The following KAT14 variants were observed in gnomAD, a reference collection of about 807,000 sequenced individuals.
The protein encoded by KAT14 is lysine acetyltransferase 14.
Under a neutral mutation model 78.4 loss-of-function variants are expected in KAT14, and 66 were observed. The observed-to-expected ratio is 0.84, with a 90% CI of 0.69 to 1.03. KAT14 has a LOEUF of 1.03. KAT14 is among the 50% of genes least tolerant of loss of function. The probability of loss-of-function intolerance (pLI) is 0.00; values close to 1 mark genes in which losing one functional copy is unlikely to be tolerated. For synonymous variants in KAT14, 344 were observed against 359.4 expected, an observed-to-expected ratio of 0.96 and a Z score of 0.48; for missense variants, 870 against 972.5, an observed-to-expected ratio of 0.89 and a Z score of 1.40.
chr20:18,149,726 A>G (rs2037966263), intron 3 of KAT14, among the ~76,000 whole-genome samples: 1 of 152,182 alleles, frequency 6.6e-6, no homozygotes, highest in African/African-American at 2.4e-5. Context: ...TAATCCCAGC[A>G]CTTTTGGAGG....
chr20:18,182,684 C>A (rs959037981), intron 8 of KAT14, among the ~76,000 whole-genome samples: 1 of 152,206 alleles, frequency 6.6e-6, no homozygotes, highest in Non-Finnish European at 1.5e-5. Flanking sequence ...CCCTGACCCT[C>A]CATGCCAGCA....
chr20:18,164,333 C>G (rs1011528027), intron 7 of KAT14, among the ~76,000 whole-genome samples: 1 of 152,184 alleles, frequency 6.6e-6, no homozygotes, highest in South Asian at 2.1e-4. Flanking sequence ...CCTCTCCAGT[C>G]TTCTGCCCGT....
At chr20:18,173,349 TTC>T (rs908540533) in intron 7 of KAT14, among the ~76,000 whole-genome samples, 5 of 152,254 alleles carry the variant, frequency 3.3e-5, no homozygotes, top group African/African-American at 1.2e-4. Flanking sequence ...TGTGCTGTGA[TTC>T]TCTTTCTCTC....
At chr20:18,181,953 A>G (rs957867927) in intron 8 of KAT14, 107 bp downstream of exon 8, 77 of 1,505,224 alleles carry the variant, frequency 5.1e-5, no homozygotes, top group Non-Finnish European at 6.9e-5. Context: ...ACAAACTGTG[A>G]ACAACATTGG....
intron 10 of KAT14, among the ~76,000 whole-genome samples, chr20:18,185,370 C>T (rs931061828): frequency 5.3e-5 from 8 of 152,096 alleles, no homozygotes; most frequent in East Asian, 1.9e-4. Flanking sequence ...CTGCCATGCC[C>T]GGCTGATTTT....
chr20:18,138,736 CCTG>C (rs761791685), intron 1 of KAT14, among the ~76,000 whole-genome samples: 16 of 152,062 alleles, frequency 1.1e-4, no homozygotes, highest in Non-Finnish European at 1.9e-4. Flanking sequence ...ATATCCGTGA[CCTG>C]CTGATCAGCA....
At chr20:18,179,530 G>A (rs932413547) in intron 7 of KAT14, among the ~76,000 whole-genome samples, 2 of 152,192 alleles carry the variant, frequency 1.3e-5, no homozygotes, top group African/African-American at 2.4e-5. Flanking sequence ...TTTGGGGCTT[G>A]CACCCTGTGA....
At chr20:18,180,805 G>GTA (rs1178875401) in intron 7 of KAT14, among the ~76,000 whole-genome samples, 1 of 151,854 alleles carries the variant, frequency 6.6e-6, no homozygotes, top group Admixed American at 6.6e-5. Context: ...TACGAGAACA[G>GTA]TATGGTGGAA....
At position 18,161,995 on chromosome 20, in the gene KAT14, A is replaced by G; in HGVS notation, c.855A>G (p.Thr285=). Residue 285 remains threonine (T), a synonymous_variant, in exon 6 of 11, where the codon ACA becomes ACG. Coordinates refer to ENST00000688188, the MANE Select transcript of KAT14 (RefSeq NM_001392073.1). ...KEAAGFLDRS[T]SSTPVKFISR... is the part of the protein sequence containing the mutation. ...CCGCTGGCTTTCTTGACAGGAGCAC[A>G]TCTTCTACCCCTGTAAAATTCATAA... 1 of 1,614,280 alleles carries G rather than the reference A, an allele frequency of 6.2e-7. No individual in the cohort carries two copies. The highest frequency in any genetic ancestry group is 8.5e-7 in the Non-Finnish European group (1 of 1,180,056).
rs1453843332 is a variant in KAT14, at chr20:18,150,908, A to C, written c.466A>C (p.Ile156Leu). 6.2e-7 allele frequency: 1 copy of C among 1,614,180 alleles called. No homozygotes were observed. Among genetic ancestry groups the C allele is most frequent in the South Asian group, 1.1e-5 (1 of 91,084 alleles). ...FRWKEDICAFIEKHWTFLLGN... is the reference protein window; with the variant it reads ...FRWKEDICAFLEKHWTFLLGN... Reference sequence around the variant, plus strand: ...GTGGAAAGAAGATATCTGTGCTTTTATTGAGAAACATTGGACTTTTTTACT... The same window carrying C: ...GTGGAAAGAAGATATCTGTGCTTTTCTTGAGAAACATTGGACTTTTTTACT... The change falls in exon 4 of 11, where the codon ATT becomes CTT. Residue 156 changes from isoleucine to leucine, a missense_variant. Transcript: ENST00000688188.
At chr20:18,138,761 G>C (rs2037402940) in intron 1 of KAT14, among the ~76,000 whole-genome samples, 1 of 151,870 alleles carries the variant, frequency 6.6e-6, no homozygotes, top group Non-Finnish European at 1.5e-5. Context: ...TGACTATTCT[G>C]TCCTCTCAGT....
chr20:18,163,470 C>G (rs1169675602), intron 7 of KAT14, among the ~76,000 whole-genome samples: 1 of 152,236 alleles, frequency 6.6e-6, no homozygotes, highest in Non-Finnish European at 1.5e-5. Flanking sequence ...CCTGTATATA[C>G]TCTCCCACTG....
At position 18,187,933 on chromosome 20, in the gene KAT14, G is replaced by A. The variant is rs1444646540; in HGVS notation, c.*474G>A. 6.3e-6 allele frequency: 1 copy of A among 158,472 alleles called. No homozygotes were observed. Among genetic ancestry groups the A allele is most frequent in the Non-Finnish European group, 1.4e-5 (1 of 72,464 alleles). The allele number at this position is 158,472 out of a possible 1,614,324, so 9.8% of individuals were successfully genotyped here. A position where few individuals can be genotyped will look rare whatever the true frequency, so the allele number is the denominator to read the frequency against. ...CAACCCTGTGCCCGGCCATTGATGT[G>A]TTGTCATTGAATCCAGGAGGATTTC... On this transcript the variant is annotated 3_prime_UTR_variant, in exon 11 of 11. Coordinates refer to ENST00000688188, the MANE Select transcript of KAT14 (RefSeq NM_001392073.1).
chr20:18,143,988 C>G (rs1029138756), intron 2 of KAT14, among the ~76,000 whole-genome samples: 2 of 152,168 alleles, frequency 1.3e-5, no homozygotes, highest in African/African-American at 4.8e-5. Flanking sequence ...GGCTTGCCAG[C>G]CATCATATGG....
At chr20:18,149,071 C>CA in intron 3 of KAT14, among the ~76,000 whole-genome samples, 1 of 152,128 alleles carries the variant, frequency 6.6e-6, no homozygotes, top group Non-Finnish European at 1.5e-5. Flanking sequence ...CTCAATTATA[C>CA]AAAAAAGTCA....
At position 18,171,851 on chromosome 20, in the gene KAT14, A is replaced by G. The variant is rs188419374; in HGVS notation, c.1668+8906A>G. On this transcript the variant is annotated intron_variant, in intron 7 of 10. Transcript: ENST00000688188. The stretch of plus-strand genomic sequence containing the variant: ...CTTTTGTGAAAGGAAGAGCAGGTCA[A>G]TGTGGCATGCTTCAGTGTTGTCTTA... Among the ~76,000 whole-genome samples, 7 of 152,248 alleles carry G rather than the reference A, an allele frequency of 4.6e-5. No homozygotes were observed. In the East Asian group the frequency reaches 1.4e-3, roughly 29 times the overall value.
intron 10 of KAT14, among the ~76,000 whole-genome samples, chr20:18,185,546 A>ATT (rs2039424339): frequency 6.6e-6 from 1 of 152,222 alleles, no homozygotes; most frequent in African/African-American, 2.4e-5. Context: ...CTATCACTGT[A>ATT]TAAGGCTGAT....
At chr20:18,181,932 G>T in intron 8 of KAT14, 86 bp downstream of exon 8, 8 of 1,543,982 alleles carry the variant, frequency 5.2e-6, no homozygotes, top group Non-Finnish European at 7.0e-6. Flanking sequence ...CTGTTGGAGA[G>T]AATAAAGATC....
chr20:18,171,805 C>G (rs1407988119), intron 7 of KAT14, among the ~76,000 whole-genome samples: 1 of 152,138 alleles, frequency 6.6e-6, no homozygotes, highest in African/African-American at 2.4e-5. Flanking sequence ...GGGCAAGACT[C>G]TGTCTCAAAA....
Sources: allele counts gnomAD v4.1 joint callset (sites outside exome capture counted in the v4.1 genomes callset), GRCh38; gene constraint gnomAD v4.1.1; transcripts MANE v1.5; gene names NCBI Gene and HGNC (gene_info 2026-07-23, HGNC 2026-07-21).